TEX9: variants seen among roughly 807,000 people sequenced by gnomAD.
TEX9 encodes the protein testis-expressed protein 9.
In TEX9, 74 loss-of-function variants were observed where a neutral mutation model predicts 59.6. The observed-to-expected ratio is 1.24, with a 90% confidence interval of 1.03 to 1.51. The LOEUF (loss-of-function observed/expected upper bound fraction) is 1.51, where lower values mean the gene tolerates loss of function less well. Ranked by LOEUF, TEX9 falls within the 40% of genes most tolerant of loss-of-function variation. The pLI is 0.00. For synonymous variants in TEX9, 186 were observed against 152.2 expected (o/e 1.22, Z -1.64); for missense variants, 522 against 447.8 (o/e 1.17, Z -1.49).
chr15:56,273,852 C>T (rs2044607373), intron 1 of TEX9, among the ~76,000 whole-genome samples: 1 of 152,156 alleles, frequency 6.6e-6, no homozygotes, highest in Non-Finnish European at 1.5e-5. Flanking sequence ...CTGGTTGTCT[C>T]TAAGATTATC....
intron 1 of TEX9, chr15:56,323,800 A>T (rs1039555744): frequency 4.7e-6 from 1 of 213,690 alleles, no homozygotes; most frequent in South Asian, 8.7e-5. Flanking sequence ...GAGGAAGAAA[A>T]AAGTAGTAGT....
intron 1 of TEX9, among the ~76,000 whole-genome samples, chr15:56,261,653 G>T (rs2044270797): frequency 6.6e-6 from 1 of 152,076 alleles, no homozygotes; most frequent in South Asian, 2.1e-4. Flanking sequence ...GGAAGGGGAG[G>T]TTGCAGTGAG....
At chr15:56,442,461 C>A (rs1274151319) in intron 12 of TEX9, among the ~76,000 whole-genome samples, 1 of 152,140 alleles carries the variant, frequency 6.6e-6, no homozygotes, top group African/African-American at 2.4e-5. Flanking sequence ...CAGCACTATT[C>A]ACAATGGCAA....
intron 1 of TEX9, among the ~76,000 whole-genome samples, chr15:56,284,810 A>G (rs963888855): frequency 1.3e-5 from 2 of 152,012 alleles, no homozygotes; most frequent in Non-Finnish European, 2.9e-5. Flanking sequence ...ATCTTCTCCC[A>G]TAGGACTTAA....
intron 12 of TEX9, among the ~76,000 whole-genome samples, chr15:56,435,702 C>T (rs1015569191): frequency 6.6e-6 from 1 of 151,906 alleles, no homozygotes; most frequent in East Asian, 1.9e-4. Flanking sequence ...AAAATAAAAC[C>T]CCAAGTCAGG....
At chr15:56,426,608 TATATATATATATATATATAC>T (rs2050275206) in intron 10 of TEX9, among the ~76,000 whole-genome samples, 4 of 37,896 alleles carry the variant, frequency 1.1e-4, no homozygotes, top group African/African-American at 1.9e-4. Context: ...TATATATATA[TATATATATATATATATATAC>T]ACACACACAA....
intron 10 of TEX9, among the ~76,000 whole-genome samples, chr15:56,426,465 C>A (rs559025334): frequency 1.3e-5 from 2 of 150,550 alleles, no homozygotes; most frequent in South Asian, 4.2e-4. Context: ...CTATTTTGGT[C>A]TGTGTATCAT....
At chr15:56,345,305 A>T in intron 1 of TEX9, among the ~76,000 whole-genome samples, 1 of 151,998 alleles carries the variant, frequency 6.6e-6, no homozygotes, top group East Asian at 1.9e-4. Context: ...ATTTTCTGAC[A>T]TATTTGTGTG....
intron 1 of TEX9, among the ~76,000 whole-genome samples, chr15:56,354,488 T>C (rs956820268): frequency 6.6e-6 from 1 of 152,168 alleles, no homozygotes; most frequent in Non-Finnish European, 1.5e-5. Context: ...AAGAATGTTG[T>C]GTTAGTTATA....
chr15:56,315,043 T>C (rs1217933948), intron 1 of TEX9, among the ~76,000 whole-genome samples: 22 of 151,398 alleles, frequency 1.5e-4, no homozygotes, highest in African/African-American at 4.8e-4. Context: ...CCTATGTGTG[T>C]CTCTGCATGT....
At chr15:56,302,933 A>G (rs1235568768) in intron 1 of TEX9, among the ~76,000 whole-genome samples, 1 of 152,240 alleles carries the variant, frequency 6.6e-6, no homozygotes, top group Non-Finnish European at 1.5e-5. Flanking sequence ...GACAAAATCT[A>G]CTTCAGGCCA....
At chr15:56,446,963 C>A, downstream of TEX9, 2 of 1,551,224 alleles carry the variant, frequency 1.3e-6, no homozygotes, top group Non-Finnish European at 1.8e-6. Context: ...AAAACAAAAA[C>A]AAATTTAAAT....
intron 1 of TEX9, among the ~76,000 whole-genome samples, chr15:56,313,413 G>T (rs1308422076): frequency 3.5e-5 from 5 of 142,542 alleles, no homozygotes; most frequent in East Asian, 2.0e-4. Flanking sequence ...TAATCATGTG[G>T]TTTTTGTCTT....
At chr15:56,315,842 G>T (rs2045743457) in intron 1 of TEX9, among the ~76,000 whole-genome samples, 1 of 149,098 alleles carries the variant, frequency 6.7e-6, no homozygotes. Context: ...TGGAGGCTTT[G>T]CTCATTTCTT....
chr15:56,338,881 G>A (rs529450532), intron 1 of TEX9, among the ~76,000 whole-genome samples: 3 of 152,080 alleles, frequency 2.0e-5, no homozygotes, highest in South Asian at 4.2e-4. Flanking sequence ...TCACACCATT[G>A]GTCTCCAGCC....
intron 1 of TEX9, among the ~76,000 whole-genome samples, chr15:56,290,177 T>A (rs1278679351): frequency 1.3e-5 from 2 of 151,960 alleles, no homozygotes; most frequent in African/African-American, 4.8e-5. Flanking sequence ...TTTTTTCCAA[T>A]GTAGTTCAAA....
downstream of TEX9, among the ~76,000 whole-genome samples, chr15:56,449,772 AAT>A (rs1413657565): frequency 2.6e-5 from 4 of 152,192 alleles, no homozygotes; most frequent in African/African-American, 9.7e-5. Context: ...TTCTTGTGCC[AAT>A]CAGTTTGGTA....
chr15:56,320,763 G>T (rs764030236), intron 1 of TEX9, among the ~76,000 whole-genome samples: 9 of 152,166 alleles, frequency 5.9e-5, no homozygotes, highest in Admixed American at 1.3e-4. Context: ...AATGTGCTAT[G>T]ATAATTACAC....
chr15:56,290,734 C>T (rs776170869), intron 1 of TEX9, among the ~76,000 whole-genome samples: 8 of 151,928 alleles, frequency 5.3e-5, no homozygotes, highest in Non-Finnish European at 1.0e-4. Context: ...GAATTACAGA[C>T]GTGAGCCACT....
Sources: allele counts gnomAD v4.1 joint callset (sites outside exome capture counted in the v4.1 genomes callset), GRCh38; gene constraint gnomAD v4.1.1; transcripts MANE v1.5; gene names NCBI Gene and HGNC (gene_info 2026-07-23, HGNC 2026-07-21).